Variants in SLC39A9 observed in about 807,000 individuals in gnomAD.
SLC39A9 encodes the protein solute carrier family 39 member 9.
A neutral mutation model predicts 28.4 loss-of-function variants in SLC39A9; 14 were observed. The ratio of observed to expected loss-of-function variants is 0.49; its 90% CI spans 0.33 to 0.77. The LOEUF is 0.77. SLC39A9 is among the 30% of genes least tolerant of loss of function. SLC39A9 has a pLI of 0.02. For missense variants in SLC39A9, 283 were observed against 381.1 expected, an observed-to-expected ratio of 0.74 and a Z score of 2.14; for synonymous variants, 119 against 149.6, an observed-to-expected ratio of 0.80 and a Z score of 1.49.
At position 69,449,980 on chromosome 14, in the gene SLC39A9, G is replaced by A. The variant is rs370072991; in HGVS notation, c.404-3261G>A. The stretch of plus-strand genomic sequence containing the variant: ...AGGCGGGTGAATCATGAGGTCAGGG[G>A]TTCGAGACCAGCCTGGCCAACATAG... On this transcript the variant is annotated intron_variant, in intron 3 of 6. Coordinates refer to ENST00000336643, the MANE Select transcript of SLC39A9 (RefSeq NM_018375.5). Among the ~76,000 whole-genome samples, 15 of 152,164 alleles carry A rather than the reference G, an allele frequency of 9.9e-5. 1 individual carries two copies. In the South Asian group the frequency reaches 3.1e-3, roughly 32 times the overall value.
chr14:69,417,330 A>G (rs1215999323), intron 1 of SLC39A9, among the ~76,000 whole-genome samples: 2 of 152,122 alleles, frequency 1.3e-5, no homozygotes, highest in African/African-American at 2.4e-5. Context: ...CTATTGGTCT[A>G]TCTTTCTGTT....
At chr14:69,432,788 C>T (rs1023243099) in intron 2 of SLC39A9, among the ~76,000 whole-genome samples, 1 of 152,122 alleles carries the variant, frequency 6.6e-6, no homozygotes, top group Admixed American at 6.5e-5. Flanking sequence ...ATCCCAGCAC[C>T]ATTTATTGAC....
intron 1 of SLC39A9, among the ~76,000 whole-genome samples, chr14:69,407,302 C>CCCTTCCTTCCTTCCTTCCTTCCTT (rs774804877): frequency 2.8e-5 from 4 of 143,820 alleles, no homozygotes; most frequent in Admixed American, 7.0e-5. Flanking sequence ...TCCCTTCCTT[C>CCCTTCCTTCCTTCCTTCCTTCCTT]CCTTCCTTCC....
intron 1 of SLC39A9, among the ~76,000 whole-genome samples, chr14:69,408,959 T>G (rs1387472189): frequency 2.0e-5 from 3 of 152,216 alleles, no homozygotes; most frequent in Non-Finnish European, 2.9e-5. Context: ...TCAACTGATA[T>G]GTCAGGTTCT....
chr14:69,435,999 C>A (rs1315735343), intron 2 of SLC39A9, among the ~76,000 whole-genome samples: 1 of 152,094 alleles, frequency 6.6e-6, no homozygotes. Flanking sequence ...TGATCTCATC[C>A]AGTGAATTTA....
At chr14:69,426,009 T>C (rs1168864501) in intron 2 of SLC39A9, among the ~76,000 whole-genome samples, 1 of 152,160 alleles carries the variant, frequency 6.6e-6, no homozygotes, top group African/African-American at 2.4e-5. Flanking sequence ...TGTTAGGTTG[T>C]GTGTAGAGAA....
chr14:69,430,719 C>T (rs889700654), intron 2 of SLC39A9, among the ~76,000 whole-genome samples: 15 of 149,830 alleles, frequency 1.0e-4, no homozygotes, highest in African/African-American at 3.2e-4. Context: ...TGACCTTGAA[C>T]TCCTGTGCTC....
chr14:69,410,882 C>G (rs184464785), intron 1 of SLC39A9, among the ~76,000 whole-genome samples: 1 of 151,320 alleles, frequency 6.6e-6, no homozygotes, highest in Admixed American at 6.6e-5. Flanking sequence ...ATGGGCATGG[C>G]ACAAGGAAAA....
chr14:69,423,673 G>A (rs886972108), intron 1 of SLC39A9, among the ~76,000 whole-genome samples: 8 of 152,092 alleles, frequency 5.3e-5, no homozygotes, highest in Admixed American at 3.3e-4. Context: ...CGAAGCGGGC[G>A]GATCACCTGA....
At chr14:69,447,606 T>C (rs1258407633) in intron 3 of SLC39A9, among the ~76,000 whole-genome samples, 1 of 152,148 alleles carries the variant, frequency 6.6e-6, no homozygotes, top group Non-Finnish European at 1.5e-5. Flanking sequence ...GTAGCTCAGC[T>C]GAAGATAATT....
At chr14:69,404,683 G>A (rs1284292836) in intron 1 of SLC39A9, among the ~76,000 whole-genome samples, 1 of 152,170 alleles carries the variant, frequency 6.6e-6, no homozygotes, top group African/African-American at 2.4e-5. Flanking sequence ...AGGTCTTGTT[G>A]TGGGGTTTGG....
chr14:69,405,441 G>T (rs1310905031), intron 1 of SLC39A9, among the ~76,000 whole-genome samples: 3 of 152,016 alleles, frequency 2.0e-5, no homozygotes, highest in Non-Finnish European at 4.4e-5. Flanking sequence ...ATACCTGTTT[G>T]GAATTTCATT....
rs1885751082 is a variant in SLC39A9 at position 69,454,268 on chromosome 14, A to G, written c.473-544A>G. Among the ~76,000 whole-genome samples, 2 of 152,096 alleles carry G rather than the reference A, an allele frequency of 1.3e-5. 1 individual carries two copies. Among genetic ancestry groups the G allele is most frequent in the African/African-American group, 4.8e-5 (2 of 41,420 alleles). On this transcript the variant is annotated intron_variant, in intron 4 of 6. Coordinates refer to ENST00000336643, the MANE Select transcript of SLC39A9 (RefSeq NM_018375.5). ...ATCTATATAGAGTTCTAGTATCTTT[A>G]TTTTATTTATTTCTTTTTTTGAGAC...
chr14:69,417,128 C>T (rs1165675458), intron 1 of SLC39A9, among the ~76,000 whole-genome samples: 1 of 152,046 alleles, frequency 6.6e-6, no homozygotes, highest in Non-Finnish European at 1.5e-5. Context: ...GTCTTTAATC[C>T]ATCTTGAATT....
chr14:69,441,065 C>G (rs968882294), intron 2 of SLC39A9, among the ~76,000 whole-genome samples: 1 of 152,236 alleles, frequency 6.6e-6, no homozygotes, highest in African/African-American at 2.4e-5. Flanking sequence ...ATCACCTGAG[C>G]CCCAGATTTC....
At chr14:69,444,620 T>C (rs1036755289) in intron 3 of SLC39A9, among the ~76,000 whole-genome samples, 2 of 152,188 alleles carry the variant, frequency 1.3e-5, no homozygotes, top group African/African-American at 4.8e-5. Flanking sequence ...ACTACATATA[T>C]GTTTACCCTT....
At chr14:69,426,138 C>A (rs1884177258) in intron 2 of SLC39A9, among the ~76,000 whole-genome samples, 1 of 152,166 alleles carries the variant, frequency 6.6e-6, no homozygotes, top group African/African-American at 2.4e-5. Context: ...CAGTGGACAC[C>A]AGCCAGGTGT....
intron 1 of SLC39A9, among the ~76,000 whole-genome samples, chr14:69,423,807 A>T (rs1022936774): frequency 2.0e-5 from 3 of 151,742 alleles, no homozygotes; most frequent in African/African-American, 7.3e-5. Flanking sequence ...CTGAGGCAGG[A>T]TAATCGCTGG....
rs926874046 is a variant in SLC39A9, at chr14:69,460,549, G to T, written c.*1956G>T. On this transcript the variant is annotated 3_prime_UTR_variant, in exon 7 of 7. Coordinates refer to ENST00000336643, the MANE Select transcript of SLC39A9 (RefSeq NM_018375.5). Reference sequence around the variant, plus strand: ...TGTCAAATAAATAGCAGATTGTAGTGTCTGGTTTGGTTTGGACAGTAGTGC... The same window carrying T: ...TGTCAAATAAATAGCAGATTGTAGTTTCTGGTTTGGTTTGGACAGTAGTGC... 2.0e-6 allele frequency: 2 copies of T among 985,300 alleles called. No homozygotes were observed. Among genetic ancestry groups the T allele is most frequent in the Admixed American group, 1.2e-4 (2 of 16,264 alleles). 61.0% of individuals were successfully genotyped at this position (985,300 alleles called of 1,614,324 possible).
Sources: gnomAD v4.1 joint callset for allele counts (sites outside exome capture counted in the v4.1 genomes callset) on GRCh38, gnomAD v4.1.1 for gene constraint, MANE v1.5 for transcripts, NCBI Gene and HGNC (gene_info 2026-07-23, HGNC 2026-07-21) for gene names.